The following PCDHA4 variants were observed in gnomAD, a reference collection of about 807,000 sequenced individuals.
PCDHA4 encodes protocadherin alpha 4, also known as protocadherin alpha-4.
PCDHA4 carries 49 observed loss-of-function variants against 61.4 expected under a neutral mutation model. That is an observed-to-expected ratio of 0.80 (90% confidence interval 0.63 to 1.01). The LOEUF (loss-of-function observed/expected upper bound fraction) is 1.01, where lower values mean the gene tolerates loss of function less well. Among genes scored for constraint, PCDHA4 ranks in the 50% least tolerant of loss-of-function variants. PCDHA4 has a pLI of 0.00. For synonymous variants in PCDHA4, 590 were observed against 550.3 expected, an observed-to-expected ratio of 1.07 and a Z score of -1.01; for missense variants, 1,254 against 1,235.8, an observed-to-expected ratio of 1.01 and a Z score of -0.22.
rs147962839 is a variant in PCDHA4 at position 140,828,760 on chromosome 5, A to T, written c.2385+19188A>T. ...CAGATGGGGGCAAACCTGAGCTCAC[A>T]GGCACTGTTCAGCTGCTGGTCACAG... On this transcript the variant is annotated intron_variant, in intron 1 of 3. Coordinates refer to ENST00000530339, the MANE Select transcript of PCDHA4 (RefSeq NM_018907.4). The T allele has an allele frequency of 5.1e-5, 83 of 1,614,194 alleles. No homozygotes were observed. The African/African-American group carries it at 7.9e-4, about 15-fold the overall frequency.
intron 1 of PCDHA4, among the ~76,000 whole-genome samples, chr5:140,955,276 T>A (rs1485560412): frequency 6.6e-6 from 1 of 152,120 alleles, no homozygotes; most frequent in Non-Finnish European, 1.5e-5. Flanking sequence ...TTTGGTTCCA[T>A]ATTGATATGG....
intron 1 of PCDHA4, among the ~76,000 whole-genome samples, chr5:140,837,365 T>C (rs1775021898): frequency 6.6e-6 from 1 of 152,028 alleles, no homozygotes; most frequent in African/African-American, 2.4e-5. Context: ...GGCAGTTTAA[T>C]AGTATTTTTT....
At chr5:140,828,464 G>A (rs1554131324) in intron 1 of PCDHA4, 2 of 1,614,262 alleles carry the variant, frequency 1.2e-6, no homozygotes, top group Non-Finnish European at 1.7e-6. Context: ...GGAGGTGAGG[G>A]ACATTAACGA....
intron 1 of PCDHA4, among the ~76,000 whole-genome samples, chr5:140,838,200 G>A (rs1223762976): frequency 2.7e-5 from 4 of 149,112 alleles, no homozygotes; most frequent in Non-Finnish European, 4.4e-5. Context: ...TGCAAAATCC[G>A]CCTCTCTGGT....
intron 1 of PCDHA4, chr5:140,883,287 T>A: frequency 6.2e-7 from 1 of 1,613,984 alleles, no homozygotes; most frequent in Non-Finnish European, 8.5e-7. Context: ...TTGGTGGAAG[T>A]ACTAGATGTA....
At chr5:140,828,619 A>G in intron 1 of PCDHA4, 1 of 1,614,222 alleles carries the variant, frequency 6.2e-7, no homozygotes. Flanking sequence ...GTTCTAGCGA[A>G]TACTTCGGGC....
intron 1 of PCDHA4, among the ~76,000 whole-genome samples, chr5:140,960,222 A>G (rs1364451029): frequency 2.6e-5 from 4 of 152,206 alleles, no homozygotes; most frequent in African/African-American, 9.6e-5. Flanking sequence ...ATCTCAAGAA[A>G]CAGAGCCATG....
Position 140,975,977 on chromosome 5 carries a change from TA to T in PCDHA4, c.2386-2971del, listed in dbSNP as rs781900191. ...GTTCTTCACCAATAGAAAGTAAGCATAGTCCTGGGAGGTACCATCTAAGTAT... is the reference window on the plus strand; with the variant it reads ...GTTCTTCACCAATAGAAAGTAAGCATGTCCTGGGAGGTACCATCTAAGTAT... On this transcript the variant is annotated intron_variant, in intron 1 of 3. Coordinates refer to ENST00000530339, the MANE Select transcript of PCDHA4 (RefSeq NM_018907.4). Among the ~76,000 whole-genome samples, 17 of 152,284 alleles carry T rather than the reference TA, an allele frequency of 1.1e-4. 1 individual carries two copies. The highest frequency in any genetic ancestry group is 1.8e-4 in the Non-Finnish European group (12 of 68,014).
At chr5:140,839,353 G>A (rs1421791877) in intron 1 of PCDHA4, among the ~76,000 whole-genome samples, 1 of 144,986 alleles carries the variant, frequency 6.9e-6, no homozygotes, top group Non-Finnish European at 1.5e-5. Context: ...ATCCTCCTTA[G>A]CCACCTAAGC....
intron 1 of PCDHA4, chr5:140,822,550 T>A (rs2150117241): frequency 6.2e-7 from 1 of 1,613,768 alleles, no homozygotes; most frequent in South Asian, 1.1e-5. Flanking sequence ...AAGTGGGACA[T>A]TAGTTATTAA....
intron 1 of PCDHA4, chr5:140,871,260 G>T (rs761268820): frequency 1.4e-5 from 22 of 1,613,980 alleles, no homozygotes; most frequent in Admixed American, 8.3e-5. Context: ...TGTATACGGC[G>T]CTGTGGTGGT....
At chr5:140,925,740 G>T (rs1008956010) in intron 1 of PCDHA4, among the ~76,000 whole-genome samples, 19 of 151,764 alleles carry the variant, frequency 1.3e-4, no homozygotes, top group African/African-American at 4.6e-4. Flanking sequence ...AATATTTACA[G>T]AAAGAAAATT....
chr5:140,861,110 T>C (rs2046757682), intron 1 of PCDHA4: 1 of 152,560 alleles, frequency 6.6e-6, no homozygotes, highest in Non-Finnish European at 1.5e-5. Flanking sequence ...CTTTAAAAAC[T>C]ACAAACACCC....
chr5:140,877,070 T>A (rs2056830444), intron 1 of PCDHA4: 4 of 1,613,050 alleles, frequency 2.5e-6, no homozygotes, highest in Non-Finnish European at 3.4e-6. Flanking sequence ...CTGCTGCAGT[T>A]CCAGGTGAGC....
intron 1 of PCDHA4, among the ~76,000 whole-genome samples, chr5:140,925,793 A>G (rs1261267937): frequency 6.6e-6 from 1 of 152,074 alleles, no homozygotes; most frequent in African/African-American, 2.4e-5. Context: ...GTATCTCAGT[A>G]CTTTCCCCTC....
chr5:140,823,126 G>A, intron 1 of PCDHA4: 2 of 1,614,022 alleles, frequency 1.2e-6, no homozygotes, highest in Non-Finnish European at 1.7e-6. Context: ...GAACGACAAC[G>A]CTCCGGCGTT....
At position 140,946,316 on chromosome 5, in the gene PCDHA4, G is replaced by C. The variant is rs1293160526; in HGVS notation, c.2386-32633G>C. ...CACACCTGGTAGAATGGCTATTATTGAAAGAGGAAAGATAACAAGTGATGG... is the reference window on the plus strand; with the variant it reads ...CACACCTGGTAGAATGGCTATTATTCAAAGAGGAAAGATAACAAGTGATGG... On this transcript the variant is annotated intron_variant, in intron 1 of 3. Transcript: ENST00000530339. Among the ~76,000 whole-genome samples, 3 of 151,662 alleles carry C rather than the reference G, an allele frequency of 2.0e-5. No individual in the cohort carries two copies. In the East Asian group the frequency reaches 5.8e-4, roughly 29 times the overall value.
intron 3 of PCDHA4, 79 bp downstream of exon 3, chr5:140,982,642 G>T: frequency 6.5e-7 from 1 of 1,529,982 alleles, no homozygotes; most frequent in Non-Finnish European, 8.8e-7. Flanking sequence ...GATCAGGAAT[G>T]TTGATGGCTC....
intron 1 of PCDHA4, chr5:140,842,739 A>G: frequency 6.3e-7 from 1 of 1,595,048 alleles, no homozygotes; most frequent in South Asian, 1.1e-5. Context: ...CCGGGCTGCC[A>G]CATCTTCACG....
Sources: gnomAD v4.1 joint callset for allele counts (sites outside exome capture counted in the v4.1 genomes callset) on GRCh38, gnomAD v4.1.1 for gene constraint, MANE v1.5 for transcripts, NCBI Gene and HGNC (gene_info 2026-07-23, HGNC 2026-07-21) for gene names.